The following SERGEF variants were observed in gnomAD, a reference collection of about 807,000 sequenced individuals.
The protein encoded by SERGEF is secretion regulating guanine nucleotide exchange factor.
SERGEF carries 51 observed loss-of-function variants against 50.0 expected under a neutral mutation model. The ratio of observed to expected loss-of-function variants is 1.02; its 90% confidence interval spans 0.81 to 1.29. The LOEUF is 1.29. Among genes scored for constraint, SERGEF ranks in the 50% most tolerant of loss-of-function variants. The pLI, the probability that SERGEF is intolerant of heterozygous loss-of-function variation, is 0.00. For missense variants in SERGEF, 521 were observed against 557.0 expected (o/e 0.94, Z 0.65); for synonymous variants, 205 against 212.4 (o/e 0.97, Z 0.30).
At chr11:17,926,174 T>C (rs905702377) in intron 9 of SERGEF, among the ~76,000 whole-genome samples, 1 of 151,854 alleles carries the variant, frequency 6.6e-6, no homozygotes, top group African/African-American at 2.4e-5. Flanking sequence ...TTCACCCAGT[T>C]TTTTTTTCCC....
At chr11:17,821,459 C>G (rs901651298) in intron 10 of SERGEF, among the ~76,000 whole-genome samples, 6 of 152,268 alleles carry the variant, frequency 3.9e-5, no homozygotes, top group Admixed American at 3.3e-4. Context: ...TGGTCATTAT[C>G]AAAACCCTAA....
At chr11:17,844,806 C>T (rs988362943) in intron 10 of SERGEF, among the ~76,000 whole-genome samples, 2 of 151,912 alleles carry the variant, frequency 1.3e-5, no homozygotes, top group South Asian at 2.1e-4. Context: ...AGAGGCTCTA[C>T]GCCAGAGGTG....
chr11:17,907,387 A>G lies in SERGEF; in HGVS notation c.1012-29143T>C, dbSNP rs140698506. Among the ~76,000 whole-genome samples, 8 of 152,334 alleles carry G rather than the reference A, an allele frequency of 5.3e-5. No individual in the cohort carries two copies. The East Asian group carries it at 1.5e-3, about 29-fold the overall frequency. ...AATGCTCTATTCTATTCCATAAAAG[A>G]TTAAATTGGTCAGCACTACCATGGA... On this transcript the variant is annotated intron_variant, in intron 9 of 10. Transcript: ENST00000265965.
At chr11:17,998,399 A>AG (rs553786911) in intron 5 of SERGEF, among the ~76,000 whole-genome samples, 2 of 146,182 alleles carry the variant, frequency 1.4e-5, no homozygotes, top group Non-Finnish European at 3.0e-5. Context: ...CCTGGACAAC[A>AG]GGGGGGGACC....
At chr11:17,827,788 GC>G (rs1217737884) in intron 10 of SERGEF, among the ~76,000 whole-genome samples, 2 of 152,162 alleles carry the variant, frequency 1.3e-5, no homozygotes, top group African/African-American at 4.8e-5. Flanking sequence ...TGCAATGCTG[GC>G]TATTGATCAG....
At chr11:17,891,091 G>C (rs1057387769) in intron 9 of SERGEF, among the ~76,000 whole-genome samples, 1 of 152,162 alleles carries the variant, frequency 6.6e-6, no homozygotes, top group Admixed American at 6.5e-5. Context: ...ATTGGATAAA[G>C]ACTGAAGGTT....
intron 4 of SERGEF, among the ~76,000 whole-genome samples, chr11:18,001,178 T>C (rs1853952635): frequency 6.6e-6 from 1 of 152,220 alleles, no homozygotes; most frequent in African/African-American, 2.4e-5. Context: ...CTTCTGACAA[T>C]GCTTTCCAAA....
intron 9 of SERGEF, among the ~76,000 whole-genome samples, chr11:17,912,650 C>T (rs147004252): frequency 4.6e-4 from 70 of 152,266 alleles, no homozygotes; most frequent in African/African-American, 1.7e-3. Context: ...TAAATAGATG[C>T]TATATTCCCA....
At chr11:17,853,507 A>G (rs1850752257) in intron 10 of SERGEF, 1 of 152,176 alleles carries the variant, frequency 6.6e-6, no homozygotes, top group Non-Finnish European at 1.5e-5. Flanking sequence ...CTGCTACACA[A>G]AGTCATTAAT....
intron 9 of SERGEF, among the ~76,000 whole-genome samples, chr11:17,896,376 A>C (rs1212837907): frequency 6.6e-6 from 1 of 152,078 alleles, no homozygotes; most frequent in Non-Finnish European, 1.5e-5. Flanking sequence ...TAGGTCAGAG[A>C]AGTTAACTTT....
At chr11:17,823,404 C>T (rs538566024) in intron 10 of SERGEF, among the ~76,000 whole-genome samples, 2 of 152,304 alleles carry the variant, frequency 1.3e-5, no homozygotes, top group South Asian at 4.1e-4. Context: ...CCTCCCCCAA[C>T]CCCTTTCCAT....
intron 9 of SERGEF, among the ~76,000 whole-genome samples, chr11:17,885,842 C>T (rs1375986073): frequency 2.0e-5 from 3 of 152,152 alleles, no homozygotes; most frequent in Non-Finnish European, 4.4e-5. Context: ...ACCAACTCTA[C>T]AAGGCCTAGT....
intron 5 of SERGEF, among the ~76,000 whole-genome samples, chr11:17,998,979 TG>T (rs1853903815): frequency 6.6e-6 from 1 of 152,210 alleles, no homozygotes; most frequent in African/African-American, 2.4e-5. Flanking sequence ...AGATTAGTAC[TG>T]TGGTACATCC....
chr11:17,796,957 A>T (rs1430562908), intron 10 of SERGEF, among the ~76,000 whole-genome samples: 1 of 152,134 alleles, frequency 6.6e-6, no homozygotes, highest in African/African-American at 2.4e-5. Flanking sequence ...AGAGGAGTAG[A>T]TGGGGGGTGA....
chr11:17,944,802 C>T (rs1346034361), intron 9 of SERGEF, among the ~76,000 whole-genome samples: 1 of 152,204 alleles, frequency 6.6e-6, no homozygotes, highest in Non-Finnish European at 1.5e-5. Context: ...TATACAGCCT[C>T]ATAACATTTC....
At chr11:17,990,501 T>C (rs1326103032) in intron 7 of SERGEF, among the ~76,000 whole-genome samples, 2 of 152,222 alleles carry the variant, frequency 1.3e-5, no homozygotes, top group East Asian at 1.9e-4. Flanking sequence ...ATCCATTAAG[T>C]GGACTGCTGA....
chr11:17,929,015 A>G (rs1220373692), intron 9 of SERGEF, among the ~76,000 whole-genome samples: 1 of 152,216 alleles, frequency 6.6e-6, no homozygotes, highest in Non-Finnish European at 1.5e-5. Flanking sequence ...TTGAAACTCA[A>G]TCTATAGAAT....
rs58279017 is a variant in SERGEF, at chr11:17,888,628, TACACACACAC to T, written c.1012-10394_1012-10385del. On this transcript the variant is annotated intron_variant, in intron 9 of 10. Transcript: ENST00000265965. This position sits in a 1 kb window ranked among gnomAD's most constrained non-coding sequence, Gnocchi z 4.1. ...AGTTATCAGTATGAACTCACAGTTT[TACACACACAC>T]ACACACACACACACACACACACACA... 0.029 allele frequency among the ~76,000 whole-genome samples: 4,163 copies of T among 143,824 alleles called. 151 individuals carry two copies. Among genetic ancestry groups the T allele is most frequent in the African/African-American group, 0.078 (3,005 of 38,482 alleles). 94.4% of individuals were successfully genotyped at this position (143,824 alleles called of 152,430 possible).
At chr11:17,810,520 G>C (rs1397486674) in intron 10 of SERGEF, among the ~76,000 whole-genome samples, 2 of 152,144 alleles carry the variant, frequency 1.3e-5, no homozygotes, top group African/African-American at 4.8e-5. Context: ...AAATTCTACC[G>C]AACAGAAAAC....
Sources: gnomAD v4.1 joint callset for allele counts (sites outside exome capture counted in the v4.1 genomes callset) on GRCh38, gnomAD v4.1.1 for gene constraint, Gnocchi (gnomAD v3.1) non-coding constraint, MANE v1.5 for transcripts, NCBI Gene and HGNC (gene_info 2026-07-23, HGNC 2026-07-21) for gene names.